Variants in MPPED1 observed in about 807,000 individuals in gnomAD.
MPPED1 encodes the protein metallophosphoesterase domain containing 1.
Under a neutral mutation model 36.2 loss-of-function variants are expected in MPPED1, and 16 were observed. That is an observed-to-expected ratio of 0.44 (90% CI 0.30 to 0.67). The LOEUF (loss-of-function observed/expected upper bound fraction) is 0.67. Ranked by LOEUF, MPPED1 falls within the 30% of genes least tolerant of loss-of-function variation. The pLI is 0.10. For missense variants in MPPED1, 307 were observed against 453.4 expected (o/e 0.68, Z 2.93); for synonymous variants, 199 against 191.3 (o/e 1.04, Z -0.33).
rs753359184 is a variant in MPPED1 at position 43,505,436 on chromosome 22, AC to A, written c.863-56del. On this transcript the variant is annotated intron_variant, in intron 6 of 6. Coordinates refer to ENST00000443721, the MANE Select transcript of MPPED1 (RefSeq NM_001044370.2). ...GGGCTGAGTGCCCTATGACTGCCAC[AC>A]CCCCCTGGCCACCCTCACTACTCTG... is the stretch of plus-strand genomic sequence containing the variant. 4.1e-4 allele frequency: 606 copies of A among 1,469,138 alleles called. 6 individuals carry two copies. In the Middle Eastern group the frequency reaches 6.1e-3, roughly 15 times the overall value. 91.0% of individuals were successfully genotyped at this position (1,469,138 alleles called of 1,614,324 possible).
intron 4 of MPPED1, 101 bp from the exon 5 acceptor site, chr22:43,498,134 C>A: frequency 1.2e-6 from 1 of 849,874 alleles, no homozygotes; most frequent in Non-Finnish European, 1.8e-6. Flanking sequence ...AGGTAGCGAG[C>A]TGGTCCTGAG....
chr22:43,437,014 C>T (rs746874621), intron 3 of MPPED1, among the ~76,000 whole-genome samples: 3 of 152,180 alleles, frequency 2.0e-5, no homozygotes, highest in Admixed American at 6.5e-5. Flanking sequence ...CCTCAGGCCT[C>T]GCCCCTTTGC....
chr22:43,504,263 G>C (rs952801762), intron 6 of MPPED1, among the ~76,000 whole-genome samples: 1 of 151,786 alleles, frequency 6.6e-6, no homozygotes, highest in Non-Finnish European at 1.5e-5. Flanking sequence ...GATGATGATA[G>C]TGCTGATACA....
chr22:43,425,099 C>G lies in MPPED1; in HGVS notation c.114C>G (p.His38Gln). 1 of 1,613,806 alleles carries G rather than the reference C, an allele frequency of 6.2e-7. No homozygotes were observed. The highest frequency in any genetic ancestry group is 8.5e-7 in the Non-Finnish European group (1 of 1,179,894). The change falls in exon 2 of 7, where the codon CAC (histidine) becomes CAG (glutamine). Residue 38 changes from histidine to glutamine, a missense_variant. Physicochemically the swap from His to Gln is conservative, Grantham distance 24. Coordinates refer to ENST00000443721, the MANE Select transcript of MPPED1 (RefSeq NM_001044370.2). ...SQSHVMAARR[H>Q]QHSRLIIEVD... ...CCCACGTGATGGCCGCTCGGCGGCACCAGCACAGCCGGCTCATCATCGAGG... is the reference window on the plus strand; with the variant it reads ...CCCACGTGATGGCCGCTCGGCGGCAGCAGCACAGCCGGCTCATCATCGAGG...
chr22:43,497,893 G>A (rs1453637690), intron 4 of MPPED1, among the ~76,000 whole-genome samples: 1 of 135,436 alleles, frequency 7.4e-6, no homozygotes, highest in Non-Finnish European at 1.5e-5. Context: ...AAGGCTTGGA[G>A]CAGGAAAGGT....
At chr22:43,423,474 A>AT (rs1001308386) in intron 1 of MPPED1, among the ~76,000 whole-genome samples, 17 of 151,958 alleles carry the variant, frequency 1.1e-4, no homozygotes, top group Admixed American at 6.6e-5. Context: ...GAAAAGGGAG[A>AT]TTTTTTTCCC....
At chr22:43,437,642 C>T (rs934098832) in intron 3 of MPPED1, among the ~76,000 whole-genome samples, 1 of 152,222 alleles carries the variant, frequency 6.6e-6, no homozygotes, top group African/African-American at 2.4e-5. Flanking sequence ...TGGGTGACCA[C>T]AGCAGCCACG....
chr22:43,476,105 CA>C (rs1931569385), intron 4 of MPPED1, among the ~76,000 whole-genome samples: 3 of 151,018 alleles, frequency 2.0e-5, no homozygotes, highest in African/African-American at 7.3e-5. Context: ...ATGGTGATGG[CA>C]GGAAATAATT....
At chr22:43,495,475 G>A (rs1932249298) in intron 4 of MPPED1, among the ~76,000 whole-genome samples, 1 of 67,466 alleles carries the variant, frequency 1.5e-5, no homozygotes, top group African/African-American at 8.1e-5. Context: ...TGGTGATGGT[G>A]GAGGTGGTGG....
intron 3 of MPPED1, among the ~76,000 whole-genome samples, chr22:43,465,539 G>A (rs748437637): frequency 1.6e-4 from 24 of 152,196 alleles, no homozygotes; most frequent in Non-Finnish European, 2.6e-4. Context: ...CAGGGGCCTC[G>A]AAGGGGCTCC....
chr22:43,475,477 T>C (rs1931515875), intron 4 of MPPED1, among the ~76,000 whole-genome samples: 2 of 137,356 alleles, frequency 1.5e-5, no homozygotes, highest in Non-Finnish European at 1.6e-5. Context: ...TTGGTGATGA[T>C]GGTGATGGTG....
chr22:43,498,116 G>A, intron 4 of MPPED1, 119 bp from the exon 5 acceptor site: 2 of 693,442 alleles, frequency 2.9e-6, no homozygotes, highest in South Asian at 3.9e-5. Flanking sequence ...GACCTTCCCT[G>A]GGTCTCCAGG....
In MPPED1 at chr22:43,506,639, C is replaced by G. The variant is rs576501347; in HGVS notation, c.*1023C>G. 2 of 152,216 alleles carry G rather than the reference C, an allele frequency of 1.3e-5. No homozygotes were observed. The highest frequency in any genetic ancestry group is 4.8e-5 in the African/African-American group (2 of 41,440). 9.4% of individuals were successfully genotyped at this position (152,216 alleles called of 1,614,324 possible). On this transcript the variant is annotated 3_prime_UTR_variant, in exon 7 of 7. Coordinates refer to ENST00000443721, the MANE Select transcript of MPPED1 (RefSeq NM_001044370.2). ...GCAGCCGAGGAAGCCCAGGACCAGC[C>G]GGCCCTGTGAATTGGAGGGTGGCAC...
At chr22:43,419,737 G>A (rs1484222604) in intron 1 of MPPED1, among the ~76,000 whole-genome samples, 1 of 151,792 alleles carries the variant, frequency 6.6e-6, no homozygotes, top group Non-Finnish European at 1.5e-5. Flanking sequence ...GACAAGTTTG[G>A]GGGTGGGGGG....
chr22:43,439,459 C>T (rs889383518), intron 3 of MPPED1, among the ~76,000 whole-genome samples: 6 of 152,260 alleles, frequency 3.9e-5, no homozygotes, highest in Admixed American at 1.3e-4. Context: ...AGGGAGCTCA[C>T]AGCCTGGATG....
At chr22:43,473,993 T>G (rs1327215633) in intron 3 of MPPED1, among the ~76,000 whole-genome samples, 1 of 152,250 alleles carries the variant, frequency 6.6e-6, no homozygotes, top group Non-Finnish European at 1.5e-5. Context: ...CATTTTTGTT[T>G]TGATTCCATC....
At chr22:43,462,562 A>G (rs1422171519) in intron 3 of MPPED1, among the ~76,000 whole-genome samples, 1 of 152,190 alleles carries the variant, frequency 6.6e-6, no homozygotes, top group Non-Finnish European at 1.5e-5. Flanking sequence ...TTGGTTGAAT[A>G]TTCATTATGT....
At chr22:43,433,806 T>C (rs531001074) in intron 2 of MPPED1, among the ~76,000 whole-genome samples, 50 of 152,348 alleles carry the variant, frequency 3.3e-4, no homozygotes, top group Non-Finnish European at 6.2e-4. Context: ...AAAGTATTTA[T>C]GTAACTGATA....
At chr22:43,463,684 G>A (rs1251697627) in intron 3 of MPPED1, among the ~76,000 whole-genome samples, 2 of 152,060 alleles carry the variant, frequency 1.3e-5, no homozygotes, top group Non-Finnish European at 2.9e-5. Flanking sequence ...ATCTCACCAA[G>A]GATGTCAATG....
Sources: gnomAD v4.1 joint callset for allele counts (sites outside exome capture counted in the v4.1 genomes callset) on GRCh38, gnomAD v4.1.1 for gene constraint, MANE v1.5 for transcripts, NCBI Gene and HGNC (gene_info 2026-07-23, HGNC 2026-07-21) for gene names.